SMAD2: variants seen among roughly 807,000 people sequenced by gnomAD.
SMAD2 encodes the protein MAD homolog 2.
In SMAD2, 8 loss-of-function variants were observed where a neutral mutation model predicts 64.4. That is an observed-to-expected ratio of 0.12 (90% CI 0.07 to 0.22). SMAD2 has a LOEUF of 0.22. Ranked by LOEUF, SMAD2 falls within the 10% of genes least tolerant of loss-of-function variation. The pLI, the probability that SMAD2 is intolerant of heterozygous loss-of-function variation, is 1.00. For missense variants in SMAD2, 289 were observed against 561.2 expected (o/e 0.51, Z 4.90); for synonymous variants, 203 against 195.8 (o/e 1.04, Z -0.31).
At chr18:47,856,266 CTAATG>C (rs2030671815) in intron 6 of SMAD2, among the ~76,000 whole-genome samples, 1 of 151,776 alleles carries the variant, frequency 6.6e-6, no homozygotes, top group Admixed American at 6.6e-5. Flanking sequence ...GCCCAGAGAT[CTAATG>C]TACAACCTGA....
At chr18:47,907,380 C>T (rs1229615943) in intron 1 of SMAD2, among the ~76,000 whole-genome samples, 1 of 152,136 alleles carries the variant, frequency 6.6e-6, no homozygotes, top group Non-Finnish European at 1.5e-5. Context: ...GGATCAGTCT[C>T]AAAAACATGC....
rs1334770268 is a variant in SMAD2 at position 47,828,632 on chromosome 18, C to G, written c.*13195G>C. On this transcript the variant is annotated 3_prime_UTR_variant, in exon 11 of 11. Transcript: ENST00000262160. ...GGATGCTGTTAATCTATAACCTTACCCCCAACCCCGTGCTCTCTGAAACAT... is the reference window on the plus strand; with the variant it reads ...GGATGCTGTTAATCTATAACCTTACGCCCAACCCCGTGCTCTCTGAAACAT... 6.3e-6 allele frequency: 1 copy of G among 157,504 alleles called. No individual in the cohort carries two copies. Among genetic ancestry groups the G allele is most frequent in the Non-Finnish European group, 1.4e-5 (1 of 72,284 alleles). 9.8% of individuals were successfully genotyped at this position (157,504 alleles called of 1,614,324 possible). A position where few individuals can be genotyped will look rare whatever the true frequency, so the allele number is the denominator to read the frequency against.
Position 47,930,430 on chromosome 18 carries a change from C to T in SMAD2, c.-123G>A, listed in dbSNP as rs984263906. ...CGGGACCTTTTGTTCCTTCCTCTTCCGATGGGATGGAGGGGGCTGGGAGGG... is the reference window on the plus strand; with the variant it reads ...CGGGACCTTTTGTTCCTTCCTCTTCTGATGGGATGGAGGGGGCTGGGAGGG... On this transcript the variant is annotated 5_prime_UTR_variant, in exon 1 of 11. Coordinates refer to ENST00000262160, the MANE Select transcript of SMAD2 (RefSeq NM_005901.6). 6.6e-6 allele frequency: 1 copy of T among 152,100 alleles called. No homozygotes were observed. Among genetic ancestry groups the T allele is most frequent in the South Asian group, 2.1e-4 (1 of 4,820 alleles). The allele number at this position is 152,100 out of a possible 1,614,324, so 9.4% of individuals were successfully genotyped here. A position where few individuals can be genotyped will look rare whatever the true frequency, so the allele number is the denominator to read the frequency against.
intron 6 of SMAD2, among the ~76,000 whole-genome samples, chr18:47,858,158 G>GA (rs140092624): frequency 0.017 from 2,612 of 151,732 alleles, 65 homozygotes; most frequent in African/African-American, 0.059. Context: ...GATGGAGGGG[G>GA]AAAAAAATGA....
chr18:47,829,863 AC>A lies in SMAD2; in HGVS notation c.*11963del, dbSNP rs1180644299. 1 of 152,244 alleles carries A rather than the reference AC, an allele frequency of 6.6e-6. No homozygotes were observed. Among genetic ancestry groups the A allele is most frequent in the Non-Finnish European group, 1.5e-5 (1 of 68,032 alleles). 9.4% of individuals were successfully genotyped at this position (152,244 alleles called of 1,614,324 possible). On this transcript the variant is annotated 3_prime_UTR_variant, in exon 11 of 11. Transcript: ENST00000262160. ...AATGATAAAGAACAGGAAAATAATGACTAAGCTAACAACCAAACTTTCAGAG... is the reference window on the plus strand; with the variant it reads ...AATGATAAAGAACAGGAAAATAATGATAAGCTAACAACCAAACTTTCAGAG...
intron 4 of SMAD2, 36 bp from the exon 5 acceptor site, chr18:47,868,493 G>T: frequency 6.3e-7 from 1 of 1,588,680 alleles, no homozygotes; most frequent in Non-Finnish European, 8.6e-7. Context: ...TAATGGCAAA[G>T]AGCAAAGGGG....
Position 47,826,294 on chromosome 18 carries a change from T to A in SMAD2, c.*15533A>T, listed in dbSNP as rs989002234. The A allele has an allele frequency of 1.3e-5, 2 of 152,286 alleles. No homozygotes were observed. Among genetic ancestry groups the A allele is most frequent in the Admixed American group, 6.5e-5 (1 of 15,290 alleles). The allele number at this position is 152,286 out of a possible 1,614,324, so 9.4% of individuals were successfully genotyped here. ...CAAACCAGTACAGTAACCTGTTAAA[T>A]ACAAAGCAAGGGTGTGGTAGATTGA... On this transcript the variant is annotated 3_prime_UTR_variant, in exon 11 of 11. Transcript: ENST00000262160.
chr18:47,887,632 T>C (rs957493091), intron 2 of SMAD2, among the ~76,000 whole-genome samples: 2 of 152,114 alleles, frequency 1.3e-5, no homozygotes, highest in East Asian at 3.8e-4. Flanking sequence ...TCCATGGGGG[T>C]AATTCTTCCA....
rs767775207 is a variant in SMAD2, at chr18:47,808,967, C to T, written c.*32860G>A. The T allele has an allele frequency of 5.9e-5, 9 of 152,240 alleles. No homozygotes were observed. Among genetic ancestry groups the T allele is most frequent in the African/African-American group, 2.2e-4 (9 of 41,464 alleles). The allele number at this position is 152,240 out of a possible 1,614,324, so 9.4% of individuals were successfully genotyped here. On this transcript the variant is annotated 3_prime_UTR_variant, in exon 11 of 11. Coordinates refer to ENST00000262160, the MANE Select transcript of SMAD2 (RefSeq NM_005901.6). The stretch of plus-strand genomic sequence containing the variant: ...AAGCAGTCTCGTTGCTTCATTTCCA[C>T]CTTTATTCTTTATTACCAACACCAA...
chr18:47,906,611 G>A (rs1024097938), intron 1 of SMAD2, among the ~76,000 whole-genome samples: 2 of 152,154 alleles, frequency 1.3e-5, no homozygotes, highest in African/African-American at 4.8e-5. Flanking sequence ...TACTGCTGCT[G>A]TAACAAATAA....
intron 1 of SMAD2, among the ~76,000 whole-genome samples, chr18:47,909,078 A>G (rs1010652464): frequency 6.6e-6 from 1 of 152,224 alleles, no homozygotes; most frequent in Non-Finnish European, 1.5e-5. Context: ...TAAAAAAAAA[A>G]AAAAAAGAAA....
chr18:47,898,477 C>T (rs2033539312), intron 1 of SMAD2, among the ~76,000 whole-genome samples: 1 of 152,164 alleles, frequency 6.6e-6, no homozygotes, highest in Non-Finnish European at 1.5e-5. Flanking sequence ...TTTAAGCACA[C>T]TTTGCACATA....
At position 47,894,519 on chromosome 18, in the gene SMAD2, G is replaced by A. The variant is rs183178000; in HGVS notation, c.236+2002C>T. Among the ~76,000 whole-genome samples, 20 of 152,142 alleles carry A rather than the reference G, an allele frequency of 1.3e-4. No individual in the cohort carries two copies. In the East Asian group the frequency reaches 2.5e-3, roughly 19 times the overall value. ...TAAGGATACCCAACTTGTTTGGAAC[G>A]CTTCACCAATCCTCCCCCACCTCCC... On this transcript the variant is annotated intron_variant, in intron 2 of 10. Transcript: ENST00000262160.
rs2031789126 is a variant in SMAD2 at position 47,869,373 on chromosome 18, T to A, written c.390A>T (p.Arg130=). 6.2e-7 allele frequency: 1 copy of A among 1,612,730 alleles called. No individual in the cohort carries two copies. Among genetic ancestry groups the A allele is most frequent in the Non-Finnish European group, 8.5e-7 (1 of 1,179,698 alleles). The change falls in exon 4 of 11, where the codon CGA becomes CGT. Residue 130 remains arginine (R), a synonymous_variant. Coordinates refer to ENST00000262160, the MANE Select transcript of SMAD2 (RefSeq NM_005901.6). ...TGTGAAGATCAGGCCAGCGCCATAA[T>A]CGGCAATATATAACATGTGGCAATC... ...RKGLPHVIYC[R]LWRWPDLHSH... is the part of the protein sequence containing the mutation.
Position 47,838,665 on chromosome 18 carries a change from A to G in SMAD2, c.*3162T>C. 4.3e-6 allele frequency: 1 copy of G among 232,950 alleles called. No individual in the cohort carries two copies. Among genetic ancestry groups the G allele is most frequent in the Non-Finnish European group, 8.5e-6 (1 of 117,788 alleles). 14.4% of individuals were successfully genotyped at this position (232,950 alleles called of 1,614,324 possible). A position where few individuals can be genotyped will look rare whatever the true frequency, so the allele number is the denominator to read the frequency against. On this transcript the variant is annotated 3_prime_UTR_variant, in exon 11 of 11. Transcript: ENST00000262160. ...TCTAATCGTTGACCAGTGGTTATAA[A>G]GACTTTCTGAGCTTCTTTTTAAAGC...
chr18:47,875,519 A>G (rs2032213334), intron 2 of SMAD2, among the ~76,000 whole-genome samples: 1 of 152,178 alleles, frequency 6.6e-6, no homozygotes. Flanking sequence ...TATAACTTCT[A>G]GGTATGGCCA....
At chr18:47,927,337 C>T (rs1432816792) in intron 1 of SMAD2, among the ~76,000 whole-genome samples, 2 of 152,148 alleles carry the variant, frequency 1.3e-5, no homozygotes, top group Non-Finnish European at 2.9e-5. Flanking sequence ...TCACATCTTC[C>T]CTAGTGCTAT....
At position 47,827,716 on chromosome 18, in the gene SMAD2, G is replaced by C. The variant is rs113791640; in HGVS notation, c.*14111C>G. ...AGGCTGGTCTCCAGCTCCTGACCGC[G>C]CATGATCTGCCCGCCTGGGCCTCCC... On this transcript the variant is annotated 3_prime_UTR_variant, in exon 11 of 11. Transcript: ENST00000262160. 1.5e-3 allele frequency: 243 copies of C among 166,694 alleles called. 1 individual carries two copies. The highest frequency in any genetic ancestry group is 1.4e-3 in the Admixed American group (21 of 15,446). 10.3% of individuals were successfully genotyped at this position (166,694 alleles called of 1,614,324 possible).
Position 47,896,956 on chromosome 18 carries a change from T to C in SMAD2, c.-53-147A>G, listed in dbSNP as rs16958602. The C allele has an allele frequency of 0.034, 23,830 of 706,434 alleles. 2,432 individuals are homozygous for C. The highest frequency in any genetic ancestry group is 0.24 in the Admixed American group (9,735 of 40,596). 43.8% of individuals were successfully genotyped at this position (706,434 alleles called of 1,614,324 possible). Reference sequence around the variant, plus strand: ...GACTTCTCCACCCATGAAAACGTTATCTTTATGAATTTAAATGAATGATGG... The same window carrying C: ...GACTTCTCCACCCATGAAAACGTTACCTTTATGAATTTAAATGAATGATGG... On this transcript the variant is annotated intron_variant, in intron 1 of 10. Coordinates refer to ENST00000262160, the MANE Select transcript of SMAD2 (RefSeq NM_005901.6).
Sources: allele counts gnomAD v4.1 joint callset (sites outside exome capture counted in the v4.1 genomes callset), GRCh38; gene constraint gnomAD v4.1.1; transcripts MANE v1.5; gene names NCBI Gene and HGNC (gene_info 2026-07-23, HGNC 2026-07-21).